Variants in EIPR1 observed in about 807,000 individuals in gnomAD.
The protein encoded by EIPR1 is EARP complex and GARP complex interacting protein 1.
Under a neutral mutation model 48.1 loss-of-function variants are expected in EIPR1, and 25 were observed. The ratio of observed to expected loss-of-function variants is 0.52; its 90% CI spans 0.38 to 0.73. The LOEUF is 0.73. EIPR1 is among the 30% of genes least tolerant of loss of function. EIPR1 has a pLI of 0.00. For synonymous variants in EIPR1, 204 were observed against 201.9 expected, an observed-to-expected ratio of 1.01 and a Z score of -0.09; for missense variants, 415 against 506.2, an observed-to-expected ratio of 0.82 and a Z score of 1.73.
chr2:3,319,676 A>ACCACCC (rs1669436112), intron 3 of EIPR1: 1 of 183,442 alleles, frequency 5.5e-6, no homozygotes, highest in Non-Finnish European at 1.1e-5. Context: ...AGCAAACAAC[A>ACCACCC]CTGCACCTGC....
chr2:3,241,275 C>A (rs1209597087), intron 4 of EIPR1, among the ~76,000 whole-genome samples: 1 of 152,226 alleles, frequency 6.6e-6, no homozygotes, highest in Non-Finnish European at 1.5e-5. Flanking sequence ...ACGAGGTAAT[C>A]CATGGGGGCC....
At chr2:3,260,317 C>T (rs34807321) in intron 3 of EIPR1, among the ~76,000 whole-genome samples, 9,953 of 152,086 alleles carry the variant, frequency 0.065, 333 homozygotes, top group African/African-American at 0.072. Flanking sequence ...ATGGTGAAAC[C>T]CCGTCTCTAC....
At chr2:3,208,680 C>T in intron 5 of EIPR1, 1 of 1,550,598 alleles carries the variant, frequency 6.4e-7, no homozygotes, top group South Asian at 1.2e-5. Flanking sequence ...ATAACTCAAC[C>T]CCAATTCCCC....
intron 1 of EIPR1, among the ~76,000 whole-genome samples, chr2:3,375,226 G>A (rs1326928848): frequency 3.7e-5 from 4 of 109,122 alleles, no homozygotes; most frequent in African/African-American, 1.1e-4. Context: ...TCTGGGGACT[G>A]TTGTGGGGTG....
rs527843971 is a variant in EIPR1 at position 3,286,253 on chromosome 2, T to C, written c.260-28798A>G. On this transcript the variant is annotated intron_variant, in intron 3 of 8. Coordinates refer to ENST00000382125, the MANE Select transcript of EIPR1 (RefSeq NM_003310.5). The surrounding 1 kb of genome is among the most constrained non-coding windows in gnomAD (Gnocchi z 4.2). ...AATAAAAAAAAATAGGTTGGCCTCA[T>C]TTACAAACCCAGGGTGATTCGACAA... Among the ~76,000 whole-genome samples, 68 of 152,320 alleles carry C rather than the reference T, an allele frequency of 4.5e-4. No individual in the cohort carries two copies. The highest frequency in any genetic ancestry group is 1.5e-3 in the African/African-American group (63 of 41,572).
chr2:3,308,561 C>G (rs1398198401), intron 3 of EIPR1, among the ~76,000 whole-genome samples: 1 of 152,124 alleles, frequency 6.6e-6, no homozygotes, highest in Non-Finnish European at 1.5e-5. Flanking sequence ...TGGCCTCAGT[C>G]TCCAGAGAGG....
chr2:3,309,318 G>C (rs1003189824), intron 3 of EIPR1, among the ~76,000 whole-genome samples: 1 of 152,114 alleles, frequency 6.6e-6, no homozygotes, highest in African/African-American at 2.4e-5. Flanking sequence ...GTAATATCTA[G>C]AGCAAGCATC....
intron 4 of EIPR1, among the ~76,000 whole-genome samples, chr2:3,222,709 G>T (rs989366945): frequency 6.6e-6 from 1 of 152,318 alleles, no homozygotes; most frequent in African/African-American, 2.4e-5. Context: ...AGGCCTGGGC[G>T]TGGAGGGCCC....
chr2:3,231,871 C>T (rs1018608662), intron 4 of EIPR1, among the ~76,000 whole-genome samples: 3 of 152,172 alleles, frequency 2.0e-5, no homozygotes, highest in Non-Finnish European at 4.4e-5. Flanking sequence ...GAAGTGTTCC[C>T]TCTTCTTAAT....
chr2:3,327,871 T>TC (rs1340387279), intron 3 of EIPR1, among the ~76,000 whole-genome samples: 1 of 152,056 alleles, frequency 6.6e-6, no homozygotes, highest in Non-Finnish European at 1.5e-5. Flanking sequence ...ATTTTTTTTT[T>TC]CTTTTTGAGA....
intron 4 of EIPR1, among the ~76,000 whole-genome samples, chr2:3,214,752 T>C (rs79267640): frequency 0.02 from 2,987 of 152,274 alleles, 36 homozygotes; most frequent in Middle Eastern, 0.034. Flanking sequence ...AAAGGTAGAA[T>C]GGTTGTATGG....
At chr2:3,207,906 T>C (rs1665291658) in intron 5 of EIPR1, 1 of 152,474 alleles carries the variant, frequency 6.6e-6, no homozygotes, top group African/African-American at 2.4e-5. Flanking sequence ...TAAATTATAC[T>C]ATGATATTAA....
intron 2 of EIPR1, among the ~76,000 whole-genome samples, chr2:3,350,945 C>A (rs1234833835): frequency 2.5e-3 from 306 of 122,190 alleles, no homozygotes; most frequent in East Asian, 3.4e-3. Context: ...TACTTCGTTC[C>A]AAAAAAAAAA....
chr2:3,189,275 T>C lies in EIPR1; in HGVS notation c.*59A>G. On this transcript the variant is annotated 3_prime_UTR_variant, in exon 9 of 9. Coordinates refer to ENST00000382125, the MANE Select transcript of EIPR1 (RefSeq NM_003310.5). This position sits in a 1 kb window ranked among gnomAD's most constrained non-coding sequence, Gnocchi z 4.6. Reference sequence around the variant, plus strand: ...GTCACCTCCAAAGAGCTGCGACTGTTTGAGAATCTGCCAAGAGGAAAACCA... The same window carrying C: ...GTCACCTCCAAAGAGCTGCGACTGTCTGAGAATCTGCCAAGAGGAAAACCA... The C allele has an allele frequency of 6.9e-7, 1 of 1,451,948 alleles. No individual in the cohort carries two copies. Among genetic ancestry groups the C allele is most frequent in the Non-Finnish European group, 9.2e-7 (1 of 1,085,944 alleles). The allele number at this position is 1,451,948 out of a possible 1,614,324, so 89.9% of individuals were successfully genotyped here.
chr2:3,281,061 A>G (rs1667998259), intron 3 of EIPR1, among the ~76,000 whole-genome samples: 1 of 151,844 alleles, frequency 6.6e-6, no homozygotes, highest in Non-Finnish European at 1.5e-5. Flanking sequence ...ACCCCCATCC[A>G]CATAAAGCCA....
chr2:3,373,702 C>A lies in EIPR1; in HGVS notation c.42+3946G>T, dbSNP rs182007606. Among the ~76,000 whole-genome samples the A allele has an allele frequency of 3.9e-5, 6 of 152,296 alleles. No homozygotes were observed. The East Asian group carries it at 1.2e-3, about 29-fold the overall frequency. ...TGAAGGACCTCTTCAAGGAGAACTACAAACCACTGCTCAATGAAATAGAAG... is the reference window on the plus strand; with the variant it reads ...TGAAGGACCTCTTCAAGGAGAACTAAAAACCACTGCTCAATGAAATAGAAG... On this transcript the variant is annotated intron_variant, in intron 1 of 8. Transcript: ENST00000382125.
At chr2:3,367,985 C>A (rs936806702) in intron 1 of EIPR1, among the ~76,000 whole-genome samples, 7 of 152,168 alleles carry the variant, frequency 4.6e-5, no homozygotes, top group African/African-American at 1.7e-4. Context: ...GCGGAGCTTG[C>A]AGTGAGTTGA....
Position 3,195,431 on chromosome 2 carries a change from G to C in EIPR1, c.654-1265C>G, listed in dbSNP as rs144835897. Among the ~76,000 whole-genome samples, 958 of 152,290 alleles carry C rather than the reference G, an allele frequency of 6.3e-3. 9 individuals carry two copies. Among genetic ancestry groups the C allele is most frequent in the African/African-American group, 0.022 (904 of 41,548 alleles). ...TCATTGTTCTCTGCTCTCCAAAGTA[G>C]AGGAACTCAATTCCTTTCATCTTTT... On this transcript the variant is annotated intron_variant, in intron 6 of 8. Transcript: ENST00000382125.
intron 3 of EIPR1, among the ~76,000 whole-genome samples, chr2:3,257,864 G>A (rs1299078725): frequency 1.3e-5 from 2 of 152,236 alleles, no homozygotes; most frequent in Non-Finnish European, 2.9e-5. Context: ...AGCTGTATGA[G>A]ATCACCTTAA....
Sources: allele counts gnomAD v4.1 joint callset (sites outside exome capture counted in the v4.1 genomes callset), GRCh38; gene constraint gnomAD v4.1.1; non-coding constraint Gnocchi (gnomAD v3.1); transcripts MANE v1.5; gene names NCBI Gene and HGNC (gene_info 2026-07-23, HGNC 2026-07-21).